The following TNK1 variants were observed in gnomAD, a reference collection of about 807,000 sequenced individuals.
TNK1 encodes the protein non-receptor tyrosine-protein kinase TNK1.
In TNK1, 53 loss-of-function variants were observed where a neutral mutation model predicts 65.2. The observed-to-expected ratio is 0.81, with a 90% CI of 0.65 to 1.02. The LOEUF (loss-of-function observed/expected upper bound fraction) is 1.02. Ranked by LOEUF, TNK1 falls within the 50% of genes least tolerant of loss-of-function variation. The pLI, the probability that TNK1 is intolerant of heterozygous loss-of-function variation, is 0.00. For missense variants in TNK1, 837 were observed against 878.4 expected (o/e 0.95, Z 0.60); for synonymous variants, 353 against 364.6 (o/e 0.97, Z 0.36).
At chr17:7,380,338 G>C (rs1904734471), upstream of TNK1, among the ~76,000 whole-genome samples, 1 of 152,232 alleles carries the variant, frequency 6.6e-6, no homozygotes. Context: ...GAGAGAAGCG[G>C]AGACAAATGG....
rs1054295376 is a variant in TNK1 at position 7,388,854 on chromosome 17, G to C, written c.1843G>C (p.Asp615His). Reference sequence around the variant, plus strand: ...GACAGCACTAGGAGCCACTGGGGGAGATGTGGTTTCTGCCATCCGGAACCT... The same window carrying C: ...GACAGCACTAGGAGCCACTGGGGGACATGTGGTTTCTGCCATCCGGAACCT... ...CQTALGATGG[D>H]VVSAIRNLKV... Residue 615 changes from aspartate (D) to histidine (H), a missense_variant, in exon 12 of 13, where the codon GAT (aspartate) becomes CAT (histidine). Asp to His is a moderately conservative substitution (Grantham distance 81). Transcript: ENST00000688331. This position sits in a 1 kb window ranked among gnomAD's most constrained non-coding sequence, Gnocchi z 4.5. 1 of 1,604,438 alleles carries C rather than the reference G, an allele frequency of 6.2e-7. No homozygotes were observed.
intron 2 of TNK1, 36 bp from the exon 3 acceptor site, chr17:7,383,214 C>T (rs1419011966): frequency 5.0e-6 from 8 of 1,613,696 alleles, no homozygotes; most frequent in Non-Finnish European, 5.9e-6. Flanking sequence ...TCCCCACACC[C>T]ACCTCCACTC....
At chr17:7,381,087 C>T (rs1904780674), upstream of TNK1, 1 of 152,322 alleles carries the variant, frequency 6.6e-6, no homozygotes, top group Admixed American at 6.5e-5. Flanking sequence ...CTGGGAGGTT[C>T]CGCAGTCGCC....
intron 4 of TNK1, 39 bp downstream of exon 4, chr17:7,383,655 C>G: frequency 2.5e-6 from 4 of 1,596,850 alleles, no homozygotes; most frequent in Non-Finnish European, 2.6e-6. Context: ...AGGCCAGCTG[C>G]CCCCTCTGTT....
chr17:7,387,180 G>A, intron 9 of TNK1, 26 bp downstream of exon 9: 1 of 1,547,254 alleles, frequency 6.5e-7, no homozygotes, highest in Non-Finnish European at 8.7e-7. Context: ...GGTGAGGGCA[G>A]GGGTTGGCTG....
chr17:7,380,221 C>T (rs918406813), upstream of TNK1, among the ~76,000 whole-genome samples: 1 of 152,166 alleles, frequency 6.6e-6, no homozygotes, highest in African/African-American at 2.4e-5. Context: ...AGGGCTTTTC[C>T]CTCCAAGGGA....
chr17:7,388,805 T>G lies in TNK1; in HGVS notation c.1794T>G (p.His598Gln), dbSNP rs776155237. The change falls in exon 12 of 13, where the codon CAT becomes CAG. Residue 598 changes from histidine (H) to glutamine (Q), a missense_variant. Transcript: ENST00000688331. This position sits in a 1 kb window ranked among gnomAD's most constrained non-coding sequence, Gnocchi z 4.5. ...RKIMEVELSV[H>Q]GVTHQECQTA... ...TGTCACAGGTGGAGCTGAGTGTGCA[T>G]GGGGTCACCCACCAGGAGTGCCAGA... The G allele has an allele frequency of 2.2e-5, 36 of 1,607,898 alleles. No individual in the cohort carries two copies. Among genetic ancestry groups the G allele is most frequent in the Non-Finnish European group, 3.0e-5 (35 of 1,177,098 alleles).
At position 7,389,358 on chromosome 17, in the gene TNK1, G is replaced by A; in HGVS notation, c.*274G>A. The A allele has an allele frequency of 1.9e-6, 1 of 535,954 alleles. No individual in the cohort carries two copies. Among genetic ancestry groups the A allele is most frequent in the Non-Finnish European group, 3.3e-6 (1 of 301,618 alleles). The allele number at this position is 535,954 out of a possible 1,614,324, so 33.2% of individuals were successfully genotyped here. A position where few individuals can be genotyped will look rare whatever the true frequency, so the allele number is the denominator to read the frequency against. ...TGCCCACTACATTCTCAAACAAGAG[G>A]ACTTGGAAGAAAAGAGCTGCTATAC... On this transcript the variant is annotated 3_prime_UTR_variant, in exon 13 of 13. Transcript: ENST00000688331.
Position 7,387,094 on chromosome 17 carries a change from C to T in TNK1, c.1337C>T (p.Thr446Ile), listed in dbSNP as rs1216915038. 1 of 1,612,502 alleles carries T rather than the reference C, an allele frequency of 6.2e-7. No individual in the cohort carries two copies. The highest frequency in any genetic ancestry group is 1.1e-5 in the South Asian group (1 of 90,808). ...GCAGATGCGGGGGGCTTGCCAGCCA[C>T]CCGTCCAGTCCACAGAGGCACCCCT... ...TLADAGGLPA[T>I]RPVHRGTPAR... is the part of the protein sequence containing the mutation. Residue 446 changes from threonine to isoleucine, a missense_variant, in exon 9 of 13, where the codon ACC becomes ATC. By Grantham distance (89) the Thr-to-Ile change is moderately conservative. Coordinates refer to ENST00000688331, the MANE Select transcript of TNK1 (RefSeq NM_003985.6).
Position 7,388,455 on chromosome 17 carries a change from A to AG in TNK1, c.1532dup (p.Gly512TrpfsTer6), listed in dbSNP as rs1905328726. 3 of 1,613,714 alleles carry AG rather than the reference A, an allele frequency of 1.9e-6. No individual in the cohort carries two copies. The highest frequency in any genetic ancestry group is 1.7e-6 in the Non-Finnish European group (2 of 1,179,820). ...TTCTGTCCCTCGGTCCTCGTCCCACAGGGGGTGGTTCAAGCCCCCCTGAAA... is the reference window on the plus strand; with the variant it reads ...TTCTGTCCCTCGGTCCTCGTCCCACAGGGGGGTGGTTCAAGCCCCCCTGAAA... On this transcript the variant is annotated frameshift_variant, in exon 11 of 13. Transcript: ENST00000688331. LOFTEE classifies it high-confidence loss of function. The surrounding 1 kb of genome is among the most constrained non-coding windows in gnomAD (Gnocchi z 4.5).
At chr17:7,381,531 G>A (rs1408234539) in intron 1 of TNK1, among the ~76,000 whole-genome samples, 1 of 152,208 alleles carries the variant, frequency 6.6e-6, no homozygotes, top group Non-Finnish European at 1.5e-5. Flanking sequence ...TTGAAGCCAA[G>A]TTAGACCGAG....
In TNK1 at chr17:7,388,947, C is replaced by T. The variant is rs996236933; in HGVS notation, c.1873-24C>T. On this transcript the variant is annotated intron_variant, in intron 12 of 12. Coordinates refer to ENST00000688331, the MANE Select transcript of TNK1 (RefSeq NM_003985.6). The surrounding 1 kb of genome is among the most constrained non-coding windows in gnomAD (Gnocchi z 4.5). ...GCCCCTGCCGCCTGGCAGTCAGCTG[C>T]AACCCACCCTCCTGCTTCCACAGGT... The T allele has an allele frequency of 1.9e-6, 3 of 1,555,132 alleles. No homozygotes were observed. Among genetic ancestry groups the T allele is most frequent in the Middle Eastern group, 1.7e-4 (1 of 5,992 alleles).
Position 7,388,475 on chromosome 17 carries a change from C to A in TNK1, c.1547C>A (p.Pro516His). Residue 516 changes from proline to histidine, a missense_variant, in exon 11 of 13, where the codon CCT becomes CAT. Physicochemically the swap from Pro to His is moderately conservative, Grantham distance 77 (BLOSUM62 -2). Coordinates refer to ENST00000688331, the MANE Select transcript of TNK1 (RefSeq NM_003985.6). The surrounding 1 kb of genome is among the most constrained non-coding windows in gnomAD (Gnocchi z 4.5). ...PRPTGGGSSP[P>H]EIRQARAVPQ... is the part of the protein sequence containing the mutation. Reference sequence around the variant, plus strand: ...CCCACAGGGGGTGGTTCAAGCCCCCCTGAAATTCGACAAGCCAGAGCTGTG... The same window carrying A: ...CCCACAGGGGGTGGTTCAAGCCCCCATGAAATTCGACAAGCCAGAGCTGTG... 1.2e-6 allele frequency: 2 copies of A among 1,613,950 alleles called. No homozygotes were observed. Among genetic ancestry groups the A allele is most frequent in the Non-Finnish European group, 1.7e-6 (2 of 1,179,862 alleles).
intron 7 of TNK1, among the ~76,000 whole-genome samples, chr17:7,385,762 A>T (rs1168725217): frequency 6.6e-6 from 1 of 152,078 alleles, no homozygotes; most frequent in South Asian, 2.1e-4. Context: ...ATGGGGTTTC[A>T]CCATGTTGGC....
At position 7,388,857 on chromosome 17, in the gene TNK1, G is replaced by A. The variant is rs773100710; in HGVS notation, c.1846G>A (p.Val616Met). The change falls in exon 12 of 13, where the codon GTG becomes ATG. Residue 616 changes from valine (V) to methionine (M), a missense_variant. By Grantham distance (21) the Val-to-Met change is conservative (BLOSUM62 1). Coordinates refer to ENST00000688331, the MANE Select transcript of TNK1 (RefSeq NM_003985.6). The surrounding 1 kb of genome is among the most constrained non-coding windows in gnomAD (Gnocchi z 4.5). ...QTALGATGGD[V>M]VSAIRNLKVD... is the part of the protein sequence containing the mutation. ...AGCACTAGGAGCCACTGGGGGAGAT[G>A]TGGTTTCTGCCATCCGGAACCTCAA... 3 of 1,603,550 alleles carry A rather than the reference G, an allele frequency of 1.9e-6. No homozygotes were observed. Among genetic ancestry groups the A allele is most frequent in the Non-Finnish European group, 2.6e-6 (3 of 1,175,070 alleles).
At position 7,389,409 on chromosome 17, in the gene TNK1, C is replaced by T. The variant is rs980198557; in HGVS notation, c.*325C>T. ...ATCATATGCAGAGGAAGCTTCTACG[C>T]GCTAGAGAGGATCAAGGGGCCACAC... is the stretch of plus-strand genomic sequence containing the variant. On this transcript the variant is annotated 3_prime_UTR_variant, in exon 13 of 13. Coordinates refer to ENST00000688331, the MANE Select transcript of TNK1 (RefSeq NM_003985.6). The T allele has an allele frequency of 4.2e-5, 20 of 475,214 alleles. No individual in the cohort carries two copies. Among genetic ancestry groups the T allele is most frequent in the Middle Eastern group, 5.3e-4 (1 of 1,870 alleles). 29.4% of individuals were successfully genotyped at this position (475,214 alleles called of 1,614,324 possible).
chr17:7,382,408 G>A lies in TNK1; in HGVS notation c.-91-428G>A, dbSNP rs762303153. Among the ~76,000 whole-genome samples the A allele has an allele frequency of 3.9e-5, 6 of 152,176 alleles. No individual in the cohort carries two copies. Among genetic ancestry groups the A allele is most frequent in the Non-Finnish European group, 7.3e-5 (5 of 68,038 alleles). The stretch of plus-strand genomic sequence containing the variant: ...TGCGTGCTCTACCTACATGTCTGAG[G>A]TATGGTGTGGTTGTCATATCTGAGC... On this transcript the variant is annotated intron_variant, in intron 1 of 12. Transcript: ENST00000688331. The surrounding 1 kb of genome is among the most constrained non-coding windows in gnomAD (Gnocchi z 4.1).
chr17:7,387,105 C>T lies in TNK1; in HGVS notation c.1348C>T (p.His450Tyr). Residue 450 changes from histidine (H) to tyrosine (Y), a missense_variant, in exon 9 of 13, where the codon CAC (histidine) becomes TAC (tyrosine). Transcript: ENST00000688331. ...GGGCTTGCCAGCCACCCGTCCAGTC[C>T]ACAGAGGCACCCCTGCCCGGGGAGA... is the stretch of plus-strand genomic sequence containing the variant. Reference protein sequence around the residue: ...AGGLPATRPVHRGTPARGDQH... With the variant: ...AGGLPATRPVYRGTPARGDQH... 1 of 1,609,170 alleles carries T rather than the reference C, an allele frequency of 6.2e-7. No individual in the cohort carries two copies. The highest frequency in any genetic ancestry group is 1.1e-5 in the South Asian group (1 of 90,456).
intron 8 of TNK1, 138 bp from the exon 9 acceptor site, chr17:7,386,852 G>A: frequency 7.9e-7 from 1 of 1,268,052 alleles, no homozygotes; most frequent in South Asian, 1.5e-5. Flanking sequence ...GAGCCTTATT[G>A]CATTAGGGAA....
Sources: gnomAD v4.1 joint callset for allele counts (sites outside exome capture counted in the v4.1 genomes callset) on GRCh38, gnomAD v4.1.1 for gene constraint, Gnocchi (gnomAD v3.1) non-coding constraint, MANE v1.5 for transcripts, NCBI Gene and HGNC (gene_info 2026-07-23, HGNC 2026-07-21) for gene names.